DGKH: variants seen among roughly 807,000 people sequenced by gnomAD.
The protein encoded by DGKH is DAG kinase eta.
A neutral mutation model predicts 159.3 loss-of-function variants in DGKH; 90 were observed. That is an observed-to-expected ratio of 0.57 (90% CI 0.48 to 0.67). The LOEUF is 0.67. DGKH is among the 30% of genes least tolerant of loss of function. The pLI, the probability that DGKH is intolerant of heterozygous loss-of-function variation, is 0.00. For synonymous variants in DGKH, 536 were observed against 553.8 expected (o/e 0.97, Z 0.45); for missense variants, 1,181 against 1,506.1 (o/e 0.78, Z 3.57).
chr13:42,238,184 T>G lies in DGKH; in HGVS notation c.*8996T>G, dbSNP rs1006001854. On this transcript the variant is annotated 3_prime_UTR_variant, in exon 30 of 30. Coordinates refer to ENST00000337343, the MANE Select transcript of DGKH (RefSeq NM_178009.5). The stretch of plus-strand genomic sequence containing the variant: ...TTATATAAGTATGAATCATACCTAA[T>G]TTTACAATTTCTTTCCCACGGTCAT... The G allele has an allele frequency of 5.9e-5, 9 of 152,210 alleles. No homozygotes were observed. The highest frequency in any genetic ancestry group is 2.2e-4 in the African/African-American group (9 of 41,472). 9.4% of individuals were successfully genotyped at this position (152,210 alleles called of 1,614,324 possible).
rs1272939715 is a variant in DGKH at position 42,199,897 on chromosome 13, G to A, written c.2481G>A (p.Arg827=). 1.9e-6 allele frequency: 3 copies of A among 1,609,518 alleles called. No individual in the cohort carries two copies. Among genetic ancestry groups the A allele is most frequent in the African/African-American group, 1.3e-5 (1 of 74,688 alleles). ...GATCGTACAAGAATTTAGAACAAAG[G>A]GTTCAACTTGAGGTAAGTTCATCTT... The part of the protein sequence containing the change: ...LQRSYKNLEQ[R]VQLECDGQYI... The change falls in exon 20 of 30, where the codon AGG becomes AGA. Residue 827 remains arginine, a synonymous_variant. Transcript: ENST00000337343.
At chr13:42,145,534 G>A (rs1455378818) in intron 3 of DGKH, among the ~76,000 whole-genome samples, 1 of 152,064 alleles carries the variant, frequency 6.6e-6, no homozygotes, top group Non-Finnish European at 1.5e-5. Flanking sequence ...GTTAGTCTTT[G>A]TATCTTGGAA....
chr13:42,166,503 T>C lies in DGKH; in HGVS notation c.959-12T>C. 6.7e-7 allele frequency: 1 copy of C among 1,500,964 alleles called. No homozygotes were observed. Among genetic ancestry groups the C allele is most frequent in the Non-Finnish European group, 8.9e-7 (1 of 1,121,730 alleles). 93.0% of individuals were successfully genotyped at this position (1,500,964 alleles called of 1,614,324 possible). On this transcript the variant is annotated splice_polypyrimidine_tract_variant and intron_variant, in intron 8 of 29. Transcript: ENST00000337343. ...CTGTATGTATTGATCTTGTGTTGTG[T>C]TTTTTTCACAGGTTTCTGTAGAGCA...
intron 2 of DGKH, among the ~76,000 whole-genome samples, chr13:42,129,312 A>T (rs1011981368): frequency 6.6e-6 from 1 of 152,238 alleles, no homozygotes; most frequent in Non-Finnish European, 1.5e-5. Flanking sequence ...AGAGCACAGC[A>T]CATTTGCATT....
Position 42,178,419 on chromosome 13 carries a change from A to G in DGKH, c.1538+199A>G, listed in dbSNP as rs1594152482. On this transcript the variant is annotated intron_variant, in intron 13 of 29. Transcript: ENST00000337343. The stretch of plus-strand genomic sequence containing the variant: ...TTGCAGTGGTGTATACTTAGAGGGT[A>G]TTTTTTTAATGTTTAATTTGAAACA... Among the ~76,000 whole-genome samples the G allele has an allele frequency of 3.3e-5, 5 of 152,210 alleles. No individual in the cohort carries two copies. In the South Asian group the frequency reaches 1.0e-3, roughly 32 times the overall value.
rs1318006551 is a variant in DGKH, at chr13:42,232,098, CA to C, written c.*2918del. On this transcript the variant is annotated 3_prime_UTR_variant, in exon 30 of 30. Coordinates refer to ENST00000337343, the MANE Select transcript of DGKH (RefSeq NM_178009.5). ...CTCTTCTTATAGCGGATGGGGTTACCAAAAAAAATAAAAAGTAGGGAAGAGC... is the reference window on the plus strand; with the variant it reads ...CTCTTCTTATAGCGGATGGGGTTACCAAAAAAATAAAAAGTAGGGAAGAGC... The C allele has an allele frequency of 1.3e-5, 2 of 151,536 alleles. No individual in the cohort carries two copies. The highest frequency in any genetic ancestry group is 2.4e-5 in the African/African-American group (1 of 41,336). 9.4% of individuals were successfully genotyped at this position (151,536 alleles called of 1,614,324 possible).
intron 1 of DGKH, among the ~76,000 whole-genome samples, chr13:42,104,870 C>T (rs1315649751): frequency 6.6e-6 from 1 of 152,008 alleles, no homozygotes; most frequent in African/African-American, 2.4e-5. Context: ...ATTCTTCTAC[C>T]ATAGGAAAGA....
intron 3 of DGKH, among the ~76,000 whole-genome samples, chr13:42,135,491 G>GAAAAAAAAAAAA (rs757279736): frequency 5.8e-5 from 4 of 69,108 alleles, no homozygotes; most frequent in Non-Finnish European, 1.1e-4. Context: ...CCCTGTCTCA[G>GAAAAAAAAAAAA]AAAAAAAAAA....
intron 1 of DGKH, among the ~76,000 whole-genome samples, chr13:42,121,361 A>G (rs954175711): frequency 6.6e-6 from 1 of 152,210 alleles, no homozygotes; most frequent in African/African-American, 2.4e-5. Context: ...AAGGTAGATT[A>G]GGCTAAGCTG....
chr13:42,099,029 G>A (rs1461943865), intron 1 of DGKH, among the ~76,000 whole-genome samples: 1 of 152,158 alleles, frequency 6.6e-6, no homozygotes, highest in Non-Finnish European at 1.5e-5. Flanking sequence ...AAATCAGTGT[G>A]GGCCAGGATA....
intron 3 of DGKH, among the ~76,000 whole-genome samples, chr13:42,139,667 C>A (rs548477931): frequency 6.6e-6 from 1 of 152,146 alleles, no homozygotes; most frequent in Non-Finnish European, 1.5e-5. Flanking sequence ...TCCAGGACTG[C>A]CCTTAGAATT....
chr13:42,213,010 TGACTG>T (rs1333335537), intron 24 of DGKH, among the ~76,000 whole-genome samples: 1 of 152,002 alleles, frequency 6.6e-6, no homozygotes, highest in Admixed American at 6.5e-5. Context: ...GAGTTTGGGG[TGACTG>T]AAAGGTTGGC....
At chr13:42,114,620 C>G (rs1215138833) in intron 1 of DGKH, among the ~76,000 whole-genome samples, 1 of 152,120 alleles carries the variant, frequency 6.6e-6, no homozygotes, top group Admixed American at 6.5e-5. Flanking sequence ...CTAATCATTT[C>G]CTAATTTTCA....
chr13:42,148,944 C>CTTTTTTTTTT (rs11287579), intron 3 of DGKH, among the ~76,000 whole-genome samples: 7 of 80,096 alleles, frequency 8.7e-5, no homozygotes, highest in Non-Finnish European at 1.4e-4. Context: ...CCCGCCCCTT[C>CTTTTTTTTTT]TTTTTTTTTT....
downstream of DGKH, among the ~76,000 whole-genome samples, chr13:42,243,411 A>G (rs922365081): frequency 6.6e-6 from 1 of 152,198 alleles, no homozygotes; most frequent in African/African-American, 2.4e-5. Context: ...GTTTGCATTT[A>G]TAGTAATGAT....
downstream of DGKH, among the ~76,000 whole-genome samples, chr13:42,243,272 A>G (rs1457789351): frequency 6.6e-6 from 1 of 152,008 alleles, no homozygotes; most frequent in African/African-American, 2.4e-5. Flanking sequence ...ACAGTATGCG[A>G]TTTTTTTTCA....
chr13:42,054,627 C>G (rs180933419), intron 1 of DGKH, among the ~76,000 whole-genome samples: 1 of 152,212 alleles, frequency 6.6e-6, no homozygotes, highest in East Asian at 1.9e-4. Context: ...CAGAATAATT[C>G]TGAGAATAAG....
chr13:42,234,119 C>A lies in DGKH; in HGVS notation c.*4931C>A, dbSNP rs1958362835. The A allele has an allele frequency of 7.5e-6, 1 of 133,938 alleles. No homozygotes were observed. The allele number at this position is 133,938 out of a possible 1,614,324, so 8.3% of individuals were successfully genotyped here. ...GAAGAATAATATTTCATATTCTTGA[C>A]CCCCAAATAACAGTTTACTTAATTT... On this transcript the variant is annotated 3_prime_UTR_variant, in exon 30 of 30. Coordinates refer to ENST00000337343, the MANE Select transcript of DGKH (RefSeq NM_178009.5).
intron 7 of DGKH, among the ~76,000 whole-genome samples, chr13:42,162,686 C>T (rs1480710140): frequency 2.6e-5 from 4 of 151,904 alleles, no homozygotes; most frequent in Admixed American, 6.6e-5. Flanking sequence ...TACCTGTAAT[C>T]CCAGCCACTT....
Sources: allele counts gnomAD v4.1 joint callset (sites outside exome capture counted in the v4.1 genomes callset), GRCh38; gene constraint gnomAD v4.1.1; transcripts MANE v1.5; gene names NCBI Gene and HGNC (gene_info 2026-07-23, HGNC 2026-07-21).